FOXN3: variants seen among roughly 807,000 people sequenced by gnomAD.
FOXN3 encodes forkhead box N3.
A neutral mutation model predicts 38.4 loss-of-function variants in FOXN3; 7 were observed. The ratio of observed to expected loss-of-function variants is 0.18; its 90% CI spans 0.10 to 0.34. The LOEUF is 0.34. Ranked by LOEUF, FOXN3 falls within the 10% of genes least tolerant of loss-of-function variation. The pLI is 1.00. For synonymous variants in FOXN3, 230 were observed against 242.2 expected (o/e 0.95, Z 0.47); for missense variants, 456 against 613.4 (o/e 0.74, Z 2.71).
intron 1 of FOXN3, among the ~76,000 whole-genome samples, chr14:89,469,947 C>G (rs1893058135): frequency 6.6e-6 from 1 of 152,236 alleles, no homozygotes; most frequent in Admixed American, 6.5e-5. Flanking sequence ...TTTAAAGAGG[C>G]AACCAGCTTC....
intron 1 of FOXN3, among the ~76,000 whole-genome samples, chr14:89,618,035 G>T (rs1417680775): frequency 6.6e-6 from 1 of 152,136 alleles, no homozygotes; most frequent in African/African-American, 2.4e-5. Flanking sequence ...AATATAACAG[G>T]ATGTCTTCCT....
chr14:89,587,867 GAAAAAAAAAAAAA>G, intron 1 of FOXN3, among the ~76,000 whole-genome samples: 1 of 64,626 alleles, frequency 1.5e-5, no homozygotes, highest in South Asian at 5.7e-4. Context: ...CTCTGTCTCA[GAAAAAAAAAAAAA>G]AAAAAAAAAG....
At chr14:89,394,413 G>A (rs1297647297) in intron 2 of FOXN3, among the ~76,000 whole-genome samples, 5 of 151,846 alleles carry the variant, frequency 3.3e-5, no homozygotes, top group African/African-American at 1.2e-4. Context: ...CGCCATGTTG[G>A]CCAGGCTGGT....
chr14:89,241,254 A>T (rs1885132169), intron 4 of FOXN3, among the ~76,000 whole-genome samples: 1 of 152,238 alleles, frequency 6.6e-6, no homozygotes, highest in African/African-American at 2.4e-5. Flanking sequence ...TGCCAAGCTT[A>T]AGTTCACACG....
intron 1 of FOXN3, among the ~76,000 whole-genome samples, chr14:89,559,867 T>TAC (rs1045657408): frequency 6.6e-6 from 1 of 152,022 alleles, no homozygotes; most frequent in South Asian, 2.1e-4. Flanking sequence ...AGCTCTCAGA[T>TAC]ACACTTCAGG....
intron 1 of FOXN3, among the ~76,000 whole-genome samples, chr14:89,463,081 G>A (rs1345205738): frequency 1.3e-5 from 2 of 150,106 alleles, no homozygotes; most frequent in East Asian, 2.0e-4. Flanking sequence ...ACGAGGTCAG[G>A]AGATTGAGAA....
chr14:89,426,592 A>T (rs1317544313), intron 1 of FOXN3, among the ~76,000 whole-genome samples: 1 of 152,172 alleles, frequency 6.6e-6, no homozygotes, highest in Non-Finnish European at 1.5e-5. Flanking sequence ...AAAAACTACC[A>T]ATGATGAGGA....
intron 3 of FOXN3, among the ~76,000 whole-genome samples, chr14:89,300,153 G>A (rs1887171762): frequency 6.6e-6 from 1 of 150,988 alleles, no homozygotes; most frequent in Admixed American, 6.6e-5. Context: ...TTATCTTTCA[G>A]GATTTCAAGC....
At chr14:89,475,309 C>G (rs974059217) in intron 1 of FOXN3, among the ~76,000 whole-genome samples, 1 of 152,080 alleles carries the variant, frequency 6.6e-6, no homozygotes, top group Non-Finnish European at 1.5e-5. Flanking sequence ...AGAAATAAAT[C>G]AAATGCTGTG....
intron 1 of FOXN3, among the ~76,000 whole-genome samples, chr14:89,438,552 T>C (rs1399005595): frequency 1.3e-5 from 2 of 152,180 alleles, no homozygotes; most frequent in Non-Finnish European, 2.9e-5. Flanking sequence ...TCCAAAATCA[T>C]TGTCATATGA....
intron 3 of FOXN3, among the ~76,000 whole-genome samples, chr14:89,324,414 T>C (rs929383442): frequency 1.3e-5 from 2 of 150,612 alleles, no homozygotes; most frequent in African/African-American, 4.9e-5. Context: ...CTAAACATAC[T>C]GATTTGGTTT....
chr14:89,203,731 C>A (rs7147546), intron 4 of FOXN3, among the ~76,000 whole-genome samples: 3,137 of 152,260 alleles, frequency 0.021, 113 homozygotes, highest in African/African-American at 0.071. Context: ...AAATGTCACA[C>A]ATTTCTTCCG....
At chr14:89,413,916 A>ATC (rs1891617455) in intron 1 of FOXN3, among the ~76,000 whole-genome samples, 1 of 119,544 alleles carries the variant, frequency 8.4e-6, no homozygotes, top group Non-Finnish European at 1.7e-5. Flanking sequence ...CAAGGGGAGG[A>ATC]AGGAGGAAGA....
chr14:89,580,838 C>A (rs1032871453), intron 1 of FOXN3, among the ~76,000 whole-genome samples: 5 of 152,176 alleles, frequency 3.3e-5, no homozygotes, highest in African/African-American at 1.2e-4. Flanking sequence ...GGGACCTATT[C>A]CCCTTCTGGG....
chr14:89,430,058 A>G (rs1489002872), intron 1 of FOXN3, among the ~76,000 whole-genome samples: 2 of 152,194 alleles, frequency 1.3e-5, no homozygotes, highest in Non-Finnish European at 2.9e-5. Flanking sequence ...TTTTTCCATT[A>G]GTTATTACAA....
chr14:89,231,408 C>T (rs531320957), intron 4 of FOXN3, among the ~76,000 whole-genome samples: 125 of 152,238 alleles, frequency 8.2e-4, no homozygotes, highest in African/African-American at 2.6e-3. Context: ...AGTCAAGAGC[C>T]GGCCCAGCCT....
At chr14:89,579,038 C>T (rs751995516) in intron 1 of FOXN3, among the ~76,000 whole-genome samples, 8 of 152,004 alleles carry the variant, frequency 5.3e-5, no homozygotes, top group Non-Finnish European at 1.0e-4. Flanking sequence ...TTTCTAGAGA[C>T]GAGGTCTCAC....
intron 3 of FOXN3, among the ~76,000 whole-genome samples, chr14:89,328,467 G>GA (rs1167146841): frequency 6.6e-6 from 1 of 151,866 alleles, no homozygotes; most frequent in Non-Finnish European, 1.5e-5. Flanking sequence ...AGCCCTGGTT[G>GA]AATGGGTGAA....
chr14:89,194,554 CACACCCTG>C lies in FOXN3; in HGVS notation c.746-13756_746-13749del, dbSNP rs542997995. Reference sequence around the variant, plus strand: ...ACGTCTCATATGCCTTTCTCCTTGTCACACCCTGACACCCTGTGAGTGCTTCTGTCTTC... The same window carrying C: ...ACGTCTCATATGCCTTTCTCCTTGTCACACCCTGTGAGTGCTTCTGTCTTC... On this transcript the variant is annotated intron_variant, in intron 4 of 5. Transcript: ENST00000557258. Among the ~76,000 whole-genome samples, 32 of 152,226 alleles carry C rather than the reference CACACCCTG, an allele frequency of 2.1e-4. 1 individual carries two copies. The highest frequency in any genetic ancestry group is 7.2e-4 in the African/African-American group (30 of 41,538).
Sources: gnomAD v4.1 joint callset for allele counts (sites outside exome capture counted in the v4.1 genomes callset) on GRCh38, gnomAD v4.1.1 for gene constraint, MANE v1.5 for transcripts, NCBI Gene and HGNC (gene_info 2026-07-23, HGNC 2026-07-21) for gene names.